The following NRXN3 variants were observed in gnomAD, a reference collection of about 807,000 sequenced individuals.
NRXN3 encodes the protein neurexin 3.
Under a neutral mutation model 137.6 loss-of-function variants are expected in NRXN3, and 32 were observed. That is an observed-to-expected ratio of 0.23 (90% confidence interval 0.18 to 0.31). The LOEUF (loss-of-function observed/expected upper bound fraction) is 0.31, where lower values mean the gene tolerates loss of function less well. Among genes scored for constraint, NRXN3 ranks in the 10% least tolerant of loss-of-function variants. The pLI is 1.00. For synonymous variants in NRXN3, 798 were observed against 784.5 expected, an observed-to-expected ratio of 1.02 and a Z score of -0.29; for missense variants, 1,574 against 2,062.5, an observed-to-expected ratio of 0.76 and a Z score of 4.59.
At chr14:79,664,098 T>G in intron 17 of NRXN3, 149 bp downstream of exon 17, 1 of 817,402 alleles carries the variant, frequency 1.2e-6, no homozygotes, top group Non-Finnish European at 1.9e-6. Flanking sequence ...ATAAGTCATC[T>G]CTTTAGGACT....
intron 4 of NRXN3, among the ~76,000 whole-genome samples, chr14:78,436,694 T>A (rs1304186208): frequency 1.3e-5 from 2 of 152,230 alleles, no homozygotes; most frequent in Admixed American, 6.5e-5. Context: ...GACAGGCACA[T>A]GCGGCTAGTG....
chr14:79,709,927 A>G (rs73329982), intron 19 of NRXN3, among the ~76,000 whole-genome samples: 5,103 of 152,132 alleles, frequency 0.034, 264 homozygotes, highest in African/African-American at 0.12. Context: ...TGCTTGATCT[A>G]TTGGCAAGGG....
chr14:78,332,015 A>T (rs2080876324), intron 4 of NRXN3, among the ~76,000 whole-genome samples: 1 of 152,164 alleles, frequency 6.6e-6, no homozygotes, highest in Non-Finnish European at 1.5e-5. Context: ...TTCAGAGCTC[A>T]GTAGACTTGA....
intron 1 of NRXN3, among the ~76,000 whole-genome samples, chr14:78,207,620 G>C (rs112389390): frequency 6.6e-6 from 1 of 152,136 alleles, no homozygotes; most frequent in Admixed American, 6.5e-5. Flanking sequence ...CATTTCCTGC[G>C]TATCTGAGTG....
At chr14:79,723,504 C>T (rs1292589593) in intron 19 of NRXN3, among the ~76,000 whole-genome samples, 1 of 152,006 alleles carries the variant, frequency 6.6e-6, no homozygotes, top group African/African-American at 2.4e-5. Context: ...TCATGAAATT[C>T]GAGTCTGTGC....
intron 1 of NRXN3, among the ~76,000 whole-genome samples, chr14:78,196,132 G>C (rs2061205883): frequency 6.6e-6 from 1 of 152,200 alleles, no homozygotes; most frequent in Non-Finnish European, 1.5e-5. Context: ...ACGTCACCCA[G>C]CCAGAAAGTG....
chr14:79,534,298 T>C (rs900626114), intron 16 of NRXN3, among the ~76,000 whole-genome samples: 1 of 150,254 alleles, frequency 6.7e-6, no homozygotes, highest in African/African-American at 2.4e-5. Context: ...AAATATGGTG[T>C]TTTTGTATAA....
At chr14:79,802,731 G>A (rs922493874) in intron 19 of NRXN3, among the ~76,000 whole-genome samples, 34 of 152,090 alleles carry the variant, frequency 2.2e-4, no homozygotes, top group African/African-American at 8.2e-4. Context: ...GCTATTATAG[G>A]GCCCCCTCTC....
rs562648008 is a variant in NRXN3 at position 78,768,175 on chromosome 14, G to A, written c.2045-35445G>A. ...TGAGTCCCTTGGGAAGGATAAACATGTTTGTAAATAAATTTATTTCTCTGT... is the reference window on the plus strand; with the variant it reads ...TGAGTCCCTTGGGAAGGATAAACATATTTGTAAATAAATTTATTTCTCTGT... On this transcript the variant is annotated intron_variant, in intron 8 of 20. Transcript: ENST00000335750. 4.4e-4 allele frequency among the ~76,000 whole-genome samples: 66 copies of A among 151,158 alleles called. 1 individual carries two copies. The highest frequency in any genetic ancestry group is 1.5e-3 in the African/African-American group (63 of 41,234).
At chr14:79,467,076 G>C in intron 15 of NRXN3, 145 bp from the exon 16 acceptor site, 1 of 637,952 alleles carries the variant, frequency 1.6e-6, no homozygotes, top group Non-Finnish European at 2.4e-6. Flanking sequence ...GAAGCTTTGG[G>C]AGCCGTTCCT....
intron 16 of NRXN3, among the ~76,000 whole-genome samples, chr14:79,478,336 C>T (rs1006409944): frequency 6.6e-6 from 1 of 151,958 alleles, no homozygotes; most frequent in African/African-American, 2.4e-5. Context: ...AAATGAGAGA[C>T]TTCCAAACAC....
At chr14:78,508,149 T>G (rs1207724383) in intron 4 of NRXN3, among the ~76,000 whole-genome samples, 1 of 152,206 alleles carries the variant, frequency 6.6e-6, no homozygotes, top group Non-Finnish European at 1.5e-5. Flanking sequence ...TCTTCTAGCA[T>G]GAAATGCTGA....
chr14:79,106,832 T>A (rs895023199), intron 15 of NRXN3, among the ~76,000 whole-genome samples: 3 of 152,064 alleles, frequency 2.0e-5, no homozygotes, highest in African/African-American at 7.2e-5. Flanking sequence ...CAAGCAAAAG[T>A]ATATAGGAGT....
intron 15 of NRXN3, among the ~76,000 whole-genome samples, chr14:79,040,393 A>G (rs115264691): frequency 0.027 from 4,059 of 152,338 alleles, 147 homozygotes; most frequent in African/African-American, 0.08. Context: ...TTTAACCAAA[A>G]TGTTGTGGCT....
chr14:78,821,227 G>T (rs1020027715), intron 10 of NRXN3, among the ~76,000 whole-genome samples: 1 of 152,108 alleles, frequency 6.6e-6, no homozygotes, highest in African/African-American at 2.4e-5. Context: ...TGAAATCCAG[G>T]AGATGACAGA....
chr14:78,732,532 CAG>C (rs2098521112), intron 8 of NRXN3, among the ~76,000 whole-genome samples: 1 of 152,156 alleles, frequency 6.6e-6, no homozygotes, highest in Admixed American at 6.5e-5. Context: ...CAGAAGACAT[CAG>C]AGTCTTCTCC....
At chr14:78,270,087 C>G (rs2205162) in intron 2 of NRXN3, among the ~76,000 whole-genome samples, 24,529 of 152,100 alleles carry the variant, frequency 0.16, 2,038 homozygotes, top group East Asian at 0.23. Context: ...GGTTAGGGCT[C>G]GAAGAGATTG....
At chr14:78,371,027 C>T (rs953036887) in intron 4 of NRXN3, among the ~76,000 whole-genome samples, 1 of 152,112 alleles carries the variant, frequency 6.6e-6, no homozygotes, top group African/African-American at 2.4e-5. Context: ...ATGATGAATA[C>T]TTGTGATATG....
intron 15 of NRXN3, among the ~76,000 whole-genome samples, chr14:79,321,779 TATAA>T (rs1333647678): frequency 6.7e-6 from 1 of 149,664 alleles, no homozygotes; most frequent in Non-Finnish European, 1.5e-5. Context: ...TATCTATATG[TATAA>T]ATAACTATAT....
Sources: allele counts gnomAD v4.1 joint callset (sites outside exome capture counted in the v4.1 genomes callset), GRCh38; gene constraint gnomAD v4.1.1; transcripts MANE v1.5; gene names NCBI Gene and HGNC (gene_info 2026-07-23, HGNC 2026-07-21).